TANC1: variants seen among roughly 807,000 people sequenced by gnomAD.
The protein encoded by TANC1 is tetratricopeptide repeat, ankyrin repeat and coiled-coil containing 1.
A neutral mutation model predicts 149.7 loss-of-function variants in TANC1; 77 were observed. The observed-to-expected ratio is 0.51, with a 90% CI of 0.43 to 0.62. The LOEUF (loss-of-function observed/expected upper bound fraction) is 0.62, where lower values mean the gene tolerates loss of function less well. Among genes scored for constraint, TANC1 ranks in the 20% least tolerant of loss-of-function variants. The probability of loss-of-function intolerance (pLI) is 0.00; values close to 1 mark genes in which losing one functional copy is unlikely to be tolerated. For synonymous variants in TANC1, 854 were observed against 925.0 expected, an observed-to-expected ratio of 0.92 and a Z score of 1.39; for missense variants, 1,985 against 2,321.8, an observed-to-expected ratio of 0.85 and a Z score of 2.98.
chr2:159,095,216 G>A (rs748265524), intron 3 of TANC1, among the ~76,000 whole-genome samples: 9 of 152,120 alleles, frequency 5.9e-5, no homozygotes, highest in Non-Finnish European at 1.0e-4. Context: ...AAAATGTTGG[G>A]ATTATGGGCA....
intron 2 of TANC1, among the ~76,000 whole-genome samples, chr2:159,036,856 G>C (rs2040232090): frequency 6.6e-6 from 1 of 152,074 alleles, no homozygotes; most frequent in Non-Finnish European, 1.5e-5. Context: ...ATGATTTATA[G>C]TCCTTTGAGT....
At chr2:159,000,172 C>G (rs763990298) in intron 1 of TANC1, among the ~76,000 whole-genome samples, 1 of 151,918 alleles carries the variant, frequency 6.6e-6, no homozygotes, top group Non-Finnish European at 1.5e-5. Context: ...AAAGGTGAAC[C>G]GGGTGGTGTG....
At chr2:159,063,618 CTTTT>C (rs2042425818) in intron 2 of TANC1, among the ~76,000 whole-genome samples, 1 of 152,066 alleles carries the variant, frequency 6.6e-6, no homozygotes, top group Non-Finnish European at 1.5e-5. Flanking sequence ...GTTTGAATAG[CTTTT>C]TTAAGAATAT....
intron 1 of TANC1, among the ~76,000 whole-genome samples, chr2:158,995,851 C>T (rs564503622): frequency 9.2e-5 from 14 of 152,254 alleles, no homozygotes; most frequent in East Asian, 7.7e-4. Flanking sequence ...ACAGCCGACC[C>T]GAGGGCATCC....
At chr2:158,999,857 G>A (rs1453026549) in intron 1 of TANC1, among the ~76,000 whole-genome samples, 4 of 152,212 alleles carry the variant, frequency 2.6e-5, no homozygotes, top group African/African-American at 4.8e-5. Flanking sequence ...TTCTCAGGGA[G>A]ACAGACAATC....
chr2:159,150,591 G>C (rs561191024), intron 7 of TANC1, 35 bp downstream of exon 7: 2 of 1,531,940 alleles, frequency 1.3e-6, no homozygotes, highest in African/African-American at 1.4e-5. Context: ...ATAATGGCTC[G>C]AATCTCATCA....
chr2:159,216,146 T>C (rs2059331545), intron 19 of TANC1, among the ~76,000 whole-genome samples: 1 of 152,110 alleles, frequency 6.6e-6, no homozygotes, highest in Admixed American at 6.5e-5. Flanking sequence ...CATCCATCTC[T>C]CGTTAATGAG....
At chr2:159,151,577 C>A (rs2052815279) in intron 7 of TANC1, among the ~76,000 whole-genome samples, 1 of 152,208 alleles carries the variant, frequency 6.6e-6, no homozygotes. Context: ...GACCTTTGAG[C>A]TCCTTATTTT....
Position 159,178,939 on chromosome 2 carries a change from C to T in TANC1, c.2286C>T (p.Leu762=), listed in dbSNP as rs201404392. Residue 762 remains leucine, a synonymous_variant, in exon 14 of 27, where the codon CTC becomes CTT. Transcript: ENST00000263635. ...CACTTCCGATTCTCAACGTGGCCCTCGCATCCCTCCACCCCATGACAGACG... is the reference window on the plus strand; with the variant it reads ...CACTTCCGATTCTCAACGTGGCCCTTGCATCCCTCCACCCCATGACAGACG... The part of the protein sequence containing the change: ...ERALPILNVA[L]ASLHPMTDEQ... 6.2e-5 allele frequency: 100 copies of T among 1,614,022 alleles called. 1 individual carries two copies. Among genetic ancestry groups the T allele is most frequent in the South Asian group, 4.5e-4 (41 of 91,078 alleles).
chr2:159,175,227 A>G, intron 12 of TANC1, 43 bp downstream of exon 12: 6 of 1,514,664 alleles, frequency 4.0e-6, no homozygotes, highest in Non-Finnish European at 5.5e-6. Context: ...CAGTAGTGGT[A>G]CAGCAGACAC....
chr2:159,008,153 G>A (rs1039521276), intron 2 of TANC1, among the ~76,000 whole-genome samples: 3 of 152,128 alleles, frequency 2.0e-5, no homozygotes, highest in African/African-American at 4.8e-5. Flanking sequence ...AGCAACTATT[G>A]TTACTGGAAT....
At chr2:159,225,957 A>G in intron 24 of TANC1, 178 bp downstream of exon 24, 2 of 640,148 alleles carry the variant, frequency 3.1e-6, no homozygotes, top group Middle Eastern at 2.8e-4. Context: ...CGAGGTGGGC[A>G]GATCACTTGA....
intron 1 of TANC1, among the ~76,000 whole-genome samples, chr2:158,977,269 A>G (rs1310722424): frequency 6.6e-6 from 1 of 152,006 alleles, no homozygotes; most frequent in East Asian, 1.9e-4. Context: ...ACTCCCAAGT[A>G]TCTGGGACTA....
chr2:159,146,787 C>T (rs905787123), intron 5 of TANC1, among the ~76,000 whole-genome samples: 3 of 152,032 alleles, frequency 2.0e-5, no homozygotes, highest in Non-Finnish European at 2.9e-5. Flanking sequence ...ATGATCCACC[C>T]GCCTCGGCCT....
At chr2:158,989,076 TG>T (rs1016597519) in intron 1 of TANC1, among the ~76,000 whole-genome samples, 16 of 152,204 alleles carry the variant, frequency 1.1e-4, no homozygotes, top group African/African-American at 3.9e-4. Context: ...GAGAGCACAC[TG>T]GGGGAAATAA....
chr2:159,185,525 G>A (rs1201777544), intron 14 of TANC1, among the ~76,000 whole-genome samples: 3 of 152,212 alleles, frequency 2.0e-5, no homozygotes, highest in Admixed American at 6.5e-5. Context: ...TGGTGATCCT[G>A]AGGGGACCTG....
At chr2:159,171,579 G>A (rs1415189121) in intron 10 of TANC1, among the ~76,000 whole-genome samples, 2 of 152,176 alleles carry the variant, frequency 1.3e-5, no homozygotes, top group African/African-American at 4.8e-5. Flanking sequence ...AGCTGGGATT[G>A]TGCCACTGCC....
At chr2:159,164,314 T>C (rs914973036) in intron 8 of TANC1, among the ~76,000 whole-genome samples, 5 of 152,202 alleles carry the variant, frequency 3.3e-5, no homozygotes, top group African/African-American at 9.7e-5. Context: ...TCACAACTAT[T>C]TACATTGTAT....
At chr2:159,111,707 T>C (rs2047742746) in intron 4 of TANC1, among the ~76,000 whole-genome samples, 1 of 152,182 alleles carries the variant, frequency 6.6e-6, no homozygotes. Flanking sequence ...CTCCTCCTCT[T>C]AGAGTGCACA....
Sources: allele counts gnomAD v4.1 joint callset (sites outside exome capture counted in the v4.1 genomes callset), GRCh38; gene constraint gnomAD v4.1.1; transcripts MANE v1.5; gene names NCBI Gene and HGNC (gene_info 2026-07-23, HGNC 2026-07-21).